MFHAS1: variants seen among roughly 807,000 people sequenced by gnomAD.
MFHAS1 encodes multifunctional ROCO family signaling regulator 1.
In MFHAS1, 50 loss-of-function variants were observed where a neutral mutation model predicts 70.4. That is an observed-to-expected ratio of 0.71 (90% CI 0.57 to 0.90). The LOEUF is 0.90. Ranked by LOEUF, MFHAS1 falls within the 40% of genes least tolerant of loss-of-function variation. MFHAS1 has a pLI of 0.00. For synonymous variants in MFHAS1, 952 were observed against 620.0 expected (o/e 1.54, Z -7.96); for missense variants, 1,795 against 1,347.6 (o/e 1.33, Z -5.20).
intron 2 of MFHAS1, chr8:8,790,393 A>C: frequency 1.0e-6 from 1 of 984,922 alleles, no homozygotes; most frequent in Non-Finnish European, 1.2e-6. Flanking sequence ...GAAAAGAAGC[A>C]CTATCTTTTC....
intron 2 of MFHAS1, among the ~76,000 whole-genome samples, chr8:8,791,074 C>G (rs1805703054): frequency 6.6e-6 from 1 of 151,132 alleles, no homozygotes; most frequent in Non-Finnish European, 1.5e-5. Context: ...TTAGTACTTC[C>G]TAAAAAAGGA....
intron 1 of MFHAS1, among the ~76,000 whole-genome samples, chr8:8,873,684 G>C (rs1481527106): frequency 6.6e-6 from 1 of 152,096 alleles, no homozygotes; most frequent in Admixed American, 6.5e-5. Context: ...TGTGGAACTC[G>C]AGAGGATGGT....
intron 2 of MFHAS1, among the ~76,000 whole-genome samples, chr8:8,796,141 T>A (rs1310714799): frequency 1.3e-5 from 2 of 152,002 alleles, no homozygotes; most frequent in Non-Finnish European, 2.9e-5. Context: ...ACAGGATGAG[T>A]GTTATCTAGA....
At chr8:8,823,131 T>G (rs1317951576) in intron 1 of MFHAS1, among the ~76,000 whole-genome samples, 1 of 152,176 alleles carries the variant, frequency 6.6e-6, no homozygotes, top group Non-Finnish European at 1.5e-5. Flanking sequence ...AATCCTGACT[T>G]TCCTTTCAAA....
chr8:8,853,801 A>G (rs75674188), intron 1 of MFHAS1, among the ~76,000 whole-genome samples: 1 of 152,142 alleles, frequency 6.6e-6, no homozygotes, highest in African/African-American at 2.4e-5. Flanking sequence ...CCTGACCTCA[A>G]GTGATCCCCC....
At chr8:8,862,690 A>T (rs1038406807) in intron 1 of MFHAS1, among the ~76,000 whole-genome samples, 1 of 152,178 alleles carries the variant, frequency 6.6e-6, no homozygotes, top group Admixed American at 6.5e-5. Context: ...TAGAACACTA[A>T]GAGTGAACCC....
rs766944480 is a variant in MFHAS1 at position 8,891,782 on chromosome 8, C to T, written c.1277G>A (p.Arg426His). 2.5e-6 allele frequency: 4 copies of T among 1,613,302 alleles called. No individual in the cohort carries two copies. Among genetic ancestry groups the T allele is most frequent in the South Asian group, 1.1e-5 (1 of 91,082 alleles). Residue 426 changes from arginine to histidine, a missense_variant, in exon 1 of 3, where the codon CGC becomes CAC. By Grantham distance (29) the Arg-to-His change is conservative. Coordinates refer to ENST00000276282, the MANE Select transcript of MFHAS1 (RefSeq NM_004225.3). This position sits in a 1 kb window ranked among gnomAD's most constrained non-coding sequence, Gnocchi z 5.4. ...GHKAAGKTLL[R>H]HCLTEERVEG... Reference sequence around the variant, plus strand: ...CACTCTCTCCTCGGTGAGGCAGTGGCGCAGCAAAGTCTTTCCTGCAGCCTT... The same window carrying T: ...CACTCTCTCCTCGGTGAGGCAGTGGTGCAGCAAAGTCTTTCCTGCAGCCTT...
At chr8:8,819,536 G>C (rs1041149335) in intron 1 of MFHAS1, among the ~76,000 whole-genome samples, 1 of 150,596 alleles carries the variant, frequency 6.6e-6, no homozygotes, top group Non-Finnish European at 1.5e-5. Flanking sequence ...ATCGGGAGGC[G>C]GAGCTTGCAG....
chr8:8,829,714 G>C (rs1421037083), intron 1 of MFHAS1, among the ~76,000 whole-genome samples: 1 of 152,206 alleles, frequency 6.6e-6, no homozygotes, highest in Admixed American at 6.5e-5. Flanking sequence ...AGATCTTTGA[G>C]AAAGGAGATT....
intron 1 of MFHAS1, among the ~76,000 whole-genome samples, chr8:8,859,261 T>C (rs779382280): frequency 1.3e-5 from 2 of 152,146 alleles, no homozygotes; most frequent in Non-Finnish European, 2.9e-5. Flanking sequence ...GGAGAATCAC[T>C]TGAACCCAGG....
At chr8:8,836,798 CA>C (rs1330486953) in intron 1 of MFHAS1, among the ~76,000 whole-genome samples, 8 of 152,168 alleles carry the variant, frequency 5.3e-5, no homozygotes, top group Non-Finnish European at 1.2e-4. Flanking sequence ...TTTCTGCACA[CA>C]GGGGTCTAAA....
chr8:8,803,657 G>A (rs547722852), intron 1 of MFHAS1, among the ~76,000 whole-genome samples: 1 of 151,878 alleles, frequency 6.6e-6, no homozygotes, highest in East Asian at 1.9e-4. Flanking sequence ...AGTTATTATA[G>A]GTAACCTAGA....
chr8:8,843,558 G>A (rs1021210622), intron 1 of MFHAS1, among the ~76,000 whole-genome samples: 4 of 152,232 alleles, frequency 2.6e-5, no homozygotes, highest in African/African-American at 9.6e-5. Flanking sequence ...GCCAGCCTGG[G>A]CTAAAGAGTG....
chr8:8,802,413 C>T (rs899915857), intron 1 of MFHAS1, among the ~76,000 whole-genome samples: 1 of 152,136 alleles, frequency 6.6e-6, no homozygotes, highest in Non-Finnish European at 1.5e-5. Flanking sequence ...ACTGTAGTCA[C>T]GAGAAGATTC....
intron 1 of MFHAS1, among the ~76,000 whole-genome samples, chr8:8,813,489 G>C (rs1181780114): frequency 2.0e-5 from 3 of 152,284 alleles, no homozygotes; most frequent in East Asian, 1.9e-4. Context: ...AAGATGTGGA[G>C]GTAGAAGACA....
intron 1 of MFHAS1, among the ~76,000 whole-genome samples, chr8:8,852,494 T>C (rs4520171): frequency 0.093 from 6,369 of 68,620 alleles, 400 homozygotes; most frequent in African/African-American, 0.2. Flanking sequence ...CACACACACA[T>C]ACACACAAAC....
chr8:8,824,804 G>A (rs114665225), intron 1 of MFHAS1, among the ~76,000 whole-genome samples: 220 of 152,298 alleles, frequency 1.4e-3, no homozygotes, highest in African/African-American at 5.0e-3. Context: ...ATAGATTAGA[G>A]AACAGGTAAG....
intron 1 of MFHAS1, among the ~76,000 whole-genome samples, chr8:8,865,276 CAAAAAA>C (rs35910015): frequency 2.3e-4 from 15 of 64,708 alleles, no homozygotes; most frequent in Admixed American, 6.5e-4. Flanking sequence ...GACTCCATCT[CAAAAAA>C]AAAAAAAAAA....
chr8:8,824,094 ATCTATGCATCCGTACAGCTCTTTTG>A lies in MFHAS1; in HGVS notation c.2999-26628_2999-26604del, dbSNP rs1807066155. Among the ~76,000 whole-genome samples, 5 of 151,582 alleles carry A rather than the reference ATCTATGCATCCGTACAGCTCTTTTG, an allele frequency of 3.3e-5. No homozygotes were observed. The South Asian group carries it at 1.1e-3, about 32-fold the overall frequency. ...CTACCTGCCTGTGAGGCAGAACTAA[ATCTATGCATCCGTACAGCTCTTTTG>A]TCTGACACCTGACCAGTGGGGTCCT... On this transcript the variant is annotated intron_variant, in intron 1 of 2. Coordinates refer to ENST00000276282, the MANE Select transcript of MFHAS1 (RefSeq NM_004225.3).
Sources: allele counts gnomAD v4.1 joint callset (sites outside exome capture counted in the v4.1 genomes callset), GRCh38; gene constraint gnomAD v4.1.1; non-coding constraint Gnocchi (gnomAD v3.1); transcripts MANE v1.5; gene names NCBI Gene and HGNC (gene_info 2026-07-23, HGNC 2026-07-21).